Variants in GTPBP3 observed in about 807,000 individuals in gnomAD.
GTPBP3 encodes the protein GTP binding protein 3, mitochondrial.
GTPBP3 carries 35 observed loss-of-function variants against 42.0 expected under a neutral mutation model. The ratio of observed to expected loss-of-function variants is 0.83; its 90% CI spans 0.64 to 1.10. GTPBP3 has a LOEUF of 1.10. Among genes scored for constraint, GTPBP3 ranks in the 50% least tolerant of loss-of-function variants. The probability of loss-of-function intolerance (pLI) is 0.00; values close to 1 mark genes in which losing one functional copy is unlikely to be tolerated. For missense variants in GTPBP3, 691 were observed against 685.2 expected (o/e 1.01, Z -0.09); for synonymous variants, 332 against 314.9 (o/e 1.05, Z -0.58).
At chr19:17,335,803 G>A (rs1029226237), upstream of GTPBP3, among the ~76,000 whole-genome samples, 2 of 79,320 alleles carry the variant, frequency 2.5e-5, no homozygotes, top group Admixed American at 9.2e-5. Flanking sequence ...CACAGTAGGC[G>A]CTTGCTGTAC....
In GTPBP3 at chr19:17,338,129, G is replaced by A. The variant is rs1199642483; in HGVS notation, c.175G>A (p.Gly59Ser). The A allele has an allele frequency of 5.0e-6, 8 of 1,596,660 alleles. No individual in the cohort carries two copies. The African/African-American group carries it at 8.0e-5, about 16-fold the overall frequency. Residue 59 changes from glycine (G) to serine (S), a missense_variant, in exon 2 of 9, where the codon GGC becomes AGC. Gly to Ser is a moderately conservative substitution (Grantham distance 56, BLOSUM62 0). Coordinates refer to ENST00000324894, the MANE Select transcript of GTPBP3 (RefSeq NM_032620.4). ...AVIRTSGPAS[G>S]HALRILTAPR... ...GATCCGGACCAGCGGCCCCGCCAGC[G>A]GCCACGCCCTCCGAATTCTCACAGC...
chr19:17,342,513 C>G lies in GTPBP3; in HGVS notation c.*810C>G, dbSNP rs925994528. On this transcript the variant is annotated 3_prime_UTR_variant, in exon 9 of 9. Transcript: ENST00000324894. ...GAACTCCTTGACCTCAGGTAATCTG[C>G]CTACCTTGGCCTCCCAAAGTGCTGG... is the stretch of plus-strand genomic sequence containing the variant. The G allele has an allele frequency of 6.6e-6, 1 of 152,186 alleles. No homozygotes were observed. Among genetic ancestry groups the G allele is most frequent in the African/African-American group, 2.4e-5 (1 of 41,434 alleles). 9.4% of individuals were successfully genotyped at this position (152,186 alleles called of 1,614,324 possible). A position where few individuals can be genotyped will look rare whatever the true frequency, so the allele number is the denominator to read the frequency against.
In GTPBP3 at chr19:17,342,717, G is replaced by A. The variant is rs1020171395; in HGVS notation, c.*1014G>A. 2 of 151,498 alleles carry A rather than the reference G, an allele frequency of 1.3e-5. No homozygotes were observed. Among genetic ancestry groups the A allele is most frequent in the African/African-American group, 4.9e-5 (2 of 41,194 alleles). The allele number at this position is 151,498 out of a possible 1,614,324, so 9.4% of individuals were successfully genotyped here. ...TTGTGTATCATATATAAATGGTATT[G>A]TGTTCATTGCTCTACAAATTGTCAT... On this transcript the variant is annotated 3_prime_UTR_variant, in exon 9 of 9. Coordinates refer to ENST00000324894, the MANE Select transcript of GTPBP3 (RefSeq NM_032620.4).
Position 17,338,225 on chromosome 19 carries a change from C to G in GTPBP3, c.271C>G (p.Leu91Val). 1 of 1,583,598 alleles carries G rather than the reference C, an allele frequency of 6.3e-7. No individual in the cohort carries two copies. The highest frequency in any genetic ancestry group is 1.8e-5 in the Admixed American group (1 of 56,618). Residue 91 changes from leucine (L) to valine (V), a missense_variant, in exon 2 of 9, where the codon CTG (leucine) becomes GTG (valine). Physicochemically the swap from Leu to Val is conservative, Grantham distance 32. Coordinates refer to ENST00000324894, the MANE Select transcript of GTPBP3 (RefSeq NM_032620.4). The stretch of plus-strand genomic sequence containing the variant: ...CAGCGATCCCCGCTCCGGGGAGCCT[C>G]TGGACCGCGCACTGGTGCTCTGGTT... ...LLSDPRSGEP[L>V]DRALVLWFPG...
At chr19:17,340,202 T>A (rs542511514) in intron 7 of GTPBP3, among the ~76,000 whole-genome samples, 81 of 151,996 alleles carry the variant, frequency 5.3e-4, no homozygotes, top group Non-Finnish European at 1.0e-3. Context: ...GCCAGGCTAA[T>A]TTTTTGTATT....
rs1185007669 is a variant in GTPBP3 at position 17,338,446 on chromosome 19, C to G, written c.383C>G (p.Ala128Gly). 1 of 1,614,086 alleles carries G rather than the reference C, an allele frequency of 6.2e-7. No homozygotes were observed. The highest frequency in any genetic ancestry group is 1.7e-5 in the Admixed American group (1 of 60,020). ...GPAVVSGVLQ[A>G]LGSVPGLRPA... ...GCAGTGGTGAGCGGCGTCCTGCAGG[C>G]CTTGGGTGAGTTGCAGCGTTGGGTG... is the stretch of plus-strand genomic sequence containing the variant. Residue 128 changes from alanine to glycine, a missense_variant, in exon 3 of 9, where the codon GCC becomes GGC. Transcript: ENST00000324894.
chr19:17,336,853 G>A (rs1320947315), upstream of GTPBP3: 2 of 152,246 alleles, frequency 1.3e-5, no homozygotes, highest in African/African-American at 4.8e-5. Context: ...AGAGAGCCAA[G>A]GAAGTCCACA....
upstream of GTPBP3, chr19:17,335,116 G>C (rs558570995): frequency 3.5e-5 from 53 of 1,535,966 alleles, no homozygotes; most frequent in African/African-American, 5.3e-4. Context: ...TGGAATGTGA[G>C]ATGGGCGTAA....
In GTPBP3 at chr19:17,337,623, G is replaced by T; in HGVS notation, c.12G>T (p.Gly4=). Residue 4 remains glycine, a synonymous_variant, in exon 1 of 9, where the codon GGG becomes GGT. Transcript: ENST00000324894. MWR[G]LWTLAAQAAR... is the part of the protein sequence containing the mutation. ...CAGGTTGTAAATCCATGTGGCGGGG[G>T]CTTTGGACCCTGGCGGCCCAAGCGG... The T allele has an allele frequency of 7.5e-7, 1 of 1,339,006 alleles. No homozygotes were observed. The allele number at this position is 1,339,006 out of a possible 1,614,324, so 82.9% of individuals were successfully genotyped here.
intron 4 of GTPBP3, 59 bp downstream of exon 4, chr19:17,338,800 T>C: frequency 6.5e-7 from 1 of 1,550,112 alleles, no homozygotes; most frequent in Non-Finnish European, 8.8e-7. Flanking sequence ...AACCCCTGCA[T>C]GAGACCCCCT....
Position 17,338,197 on chromosome 19 carries a change from G to T in GTPBP3, c.243G>T (p.Leu81=). 2 of 1,586,624 alleles carry T rather than the reference G, an allele frequency of 1.3e-6. No individual in the cohort carries two copies. Among genetic ancestry groups the T allele is most frequent in the Non-Finnish European group, 1.7e-6 (2 of 1,172,940 alleles). The change falls in exon 2 of 9, where the codon CTG becomes CTT. Residue 81 remains leucine (L), a synonymous_variant. Transcript: ENST00000324894. ...TTGCTCGCCACGCCAGCCTGCGCCT[G>T]CTCAGCGATCCCCGCTCCGGGGAGC... is the stretch of plus-strand genomic sequence containing the variant. ...LPLARHASLR[L]LSDPRSGEPL...
intron 1 of GTPBP3, 21 bp downstream of exon 1, chr19:17,337,685 G>C: frequency 7.3e-7 from 1 of 1,367,948 alleles, no homozygotes; most frequent in Non-Finnish European, 9.5e-7. Flanking sequence ...AGGGGAAGGG[G>C]TGCGACAGCT....
chr19:17,338,288 G>A (rs1240174605), intron 2 of GTPBP3, 33 bp downstream of exon 2: 16 of 1,603,576 alleles, frequency 1.0e-5, no homozygotes, highest in Admixed American at 3.4e-5. Context: ...CCTCCTGTAG[G>A]TCCCATGACT....
upstream of GTPBP3, chr19:17,337,494 A>G (rs1470147575): frequency 1.6e-6 from 2 of 1,262,538 alleles, no homozygotes; most frequent in Non-Finnish European, 2.0e-6. Flanking sequence ...AAGATACCCA[A>G]TGGTGGTCGA....
chr19:17,341,848 T>A lies in GTPBP3; in HGVS notation c.*145T>A. On this transcript the variant is annotated 3_prime_UTR_variant, in exon 9 of 9. Transcript: ENST00000324894. ...GTGAAGCAACACAGCTGAGAGGTAG[T>A]GAGATCCCTGCAGGGACTCCCTGGA... The A allele has an allele frequency of 1.4e-6, 1 of 696,764 alleles. No individual in the cohort carries two copies. The highest frequency in any genetic ancestry group is 2.3e-6 in the Non-Finnish European group (1 of 431,856). 43.2% of individuals were successfully genotyped at this position (696,764 alleles called of 1,614,324 possible). A position where few individuals can be genotyped will look rare whatever the true frequency, so the allele number is the denominator to read the frequency against.
chr19:17,341,062 C>T lies in GTPBP3; in HGVS notation c.993C>T (p.Leu331=). 6.2e-7 allele frequency: 1 copy of T among 1,613,688 alleles called. No individual in the cohort carries two copies. The highest frequency in any genetic ancestry group is 1.1e-5 in the South Asian group (1 of 91,074). Residue 331 remains leucine, a synonymous_variant, in exon 8 of 9, where the codon CTC becomes CTT. Transcript: ENST00000324894. ...CCCGCAGGCTAGAGCAGGCTGACCT[C>T]ATTCTGGCCATGCTGGATGCTTCTG... is the stretch of plus-strand genomic sequence containing the variant. ...RARERLEQAD[L]ILAMLDASDL... is the part of the protein sequence containing the mutation.
At chr19:17,340,798 C>A in intron 7 of GTPBP3, 1 of 561,146 alleles carries the variant, frequency 1.8e-6, no homozygotes, top group Non-Finnish European at 3.2e-6. Flanking sequence ...GCTCCCGCAC[C>A]GTGACCGCTC....
chr19:17,335,198 C>T (rs1220454327), upstream of GTPBP3: 1 of 1,522,384 alleles, frequency 6.6e-7, no homozygotes, highest in African/African-American at 1.4e-5. Flanking sequence ...CTTCAACCAC[C>T]CCAGTAGGGC....
At position 17,338,943 on chromosome 19, in the gene GTPBP3, T is replaced by A. The variant is rs747437738; in HGVS notation, c.592-11T>A. On this transcript the variant is annotated splice_polypyrimidine_tract_variant and intron_variant, in intron 4 of 8. Transcript: ENST00000324894. ...GTGCACACACCACCTCTGCTCTCCCTGCCCCGCCAGGCTCTGGCCCACGTG... is the reference window on the plus strand; with the variant it reads ...GTGCACACACCACCTCTGCTCTCCCAGCCCCGCCAGGCTCTGGCCCACGTG... The A allele has an allele frequency of 1.3e-6, 2 of 1,585,430 alleles. No individual in the cohort carries two copies. Among genetic ancestry groups the A allele is most frequent in the Non-Finnish European group, 1.7e-6 (2 of 1,163,278 alleles).
Sources: gnomAD v4.1 joint callset for allele counts (sites outside exome capture counted in the v4.1 genomes callset) on GRCh38, gnomAD v4.1.1 for gene constraint, MANE v1.5 for transcripts, NCBI Gene and HGNC (gene_info 2026-07-23, HGNC 2026-07-21) for gene names.